Variants in TMEM117 observed in about 807,000 individuals in gnomAD.
TMEM117 encodes the protein transmembrane protein 117.
In TMEM117, 27 loss-of-function variants were observed where a neutral mutation model predicts 52.4. That is an observed-to-expected ratio of 0.51 (90% confidence interval 0.38 to 0.71). TMEM117 has a LOEUF of 0.71. TMEM117 is among the 30% of genes least tolerant of loss of function. The pLI is 0.00. For synonymous variants in TMEM117, 215 were observed against 206.3 expected, an observed-to-expected ratio of 1.04 and a Z score of -0.36; for missense variants, 556 against 630.5, an observed-to-expected ratio of 0.88 and a Z score of 1.26.
intron 3 of TMEM117, among the ~76,000 whole-genome samples, chr12:44,068,662 G>A (rs998800524): frequency 6.6e-6 from 1 of 152,044 alleles, no homozygotes. Context: ...AATTGCAAGA[G>A]TAATATCAAA....
intron 4 of TMEM117, among the ~76,000 whole-genome samples, chr12:44,206,160 C>CTTTTTA (rs1949563293): frequency 1.3e-5 from 2 of 152,176 alleles, no homozygotes; most frequent in South Asian, 4.1e-4. Flanking sequence ...ATGTGCACAA[C>CTTTTTA]GTTAGATTAG....
At chr12:43,925,390 T>C (rs1026993996) in intron 2 of TMEM117, among the ~76,000 whole-genome samples, 1 of 152,108 alleles carries the variant, frequency 6.6e-6, no homozygotes, top group Admixed American at 6.6e-5. Flanking sequence ...CTTTGTAACC[T>C]CCAATTTCTA....
chr12:43,826,533 A>G, the TMEM117 span, among the ~76,000 whole-genome samples: 1 of 152,184 alleles, frequency 6.6e-6, no homozygotes, highest in African/African-American at 2.4e-5. Context: ...TCTGCTCATA[A>G]TTCCAGGGAT....
At chr12:43,927,417 A>G (rs371126867) in intron 2 of TMEM117, among the ~76,000 whole-genome samples, 1 of 151,264 alleles carries the variant, frequency 6.6e-6, no homozygotes, top group Non-Finnish European at 1.5e-5. Context: ...GTATTTAAAT[A>G]TACTATATCT....
chr12:44,250,844 TG>T (rs1250529168), intron 5 of TMEM117, among the ~76,000 whole-genome samples: 1 of 151,872 alleles, frequency 6.6e-6, no homozygotes, highest in Non-Finnish European at 1.5e-5. Flanking sequence ...GTGGGCAGTG[TG>T]GGGCGAGGGG....
At chr12:44,151,879 T>C (rs1322945632) in intron 4 of TMEM117, among the ~76,000 whole-genome samples, 2 of 131,544 alleles carry the variant, frequency 1.5e-5, no homozygotes, top group East Asian at 2.4e-4. Context: ...ATATTATATA[T>C]TATAATATAT....
intron 6 of TMEM117, among the ~76,000 whole-genome samples, chr12:44,346,998 T>A (rs766623486): frequency 1.3e-5 from 2 of 152,072 alleles, no homozygotes; most frequent in Non-Finnish European, 2.9e-5. Context: ...AGGACATTTA[T>A]TTTTTATTGT....
the TMEM117 span, chr12:43,799,510 T>C: frequency 6.6e-7 from 1 of 1,522,688 alleles, no homozygotes; most frequent in Admixed American, 1.7e-5. Context: ...TTCCTGTAAG[T>C]ACAGAATAGA....
At chr12:44,222,174 G>A (rs1206636734) in intron 5 of TMEM117, among the ~76,000 whole-genome samples, 13 of 152,078 alleles carry the variant, frequency 8.5e-5, no homozygotes, top group East Asian at 1.9e-4. Context: ...TTGTGTCTCT[G>A]GTCATGAATT....
At chr12:44,265,445 G>C (rs530989544) in intron 5 of TMEM117, among the ~76,000 whole-genome samples, 2 of 152,144 alleles carry the variant, frequency 1.3e-5, no homozygotes. Context: ...GTATCATAGA[G>C]AGGCAAAACT....
chr12:44,097,808 A>C (rs1203504334), intron 3 of TMEM117, among the ~76,000 whole-genome samples: 3 of 151,360 alleles, frequency 2.0e-5, no homozygotes, highest in Non-Finnish European at 1.5e-5. Context: ...ATGTATACAT[A>C]TGTAACAAAC....
intron 6 of TMEM117, among the ~76,000 whole-genome samples, chr12:44,357,630 C>T (rs1951668974): frequency 6.6e-6 from 1 of 152,060 alleles, no homozygotes; most frequent in African/African-American, 2.4e-5. Context: ...GATACCATCA[C>T]ACCAGTCAGA....
intron 3 of TMEM117, among the ~76,000 whole-genome samples, chr12:44,060,886 A>G (rs1440230528): frequency 6.6e-6 from 1 of 152,172 alleles, no homozygotes; most frequent in Non-Finnish European, 1.5e-5. Context: ...GAGTTAAAGG[A>G]ATGGTCACTG....
At chr12:44,304,424 C>T (rs1372626491) in intron 6 of TMEM117, among the ~76,000 whole-genome samples, 1 of 152,172 alleles carries the variant, frequency 6.6e-6, no homozygotes, top group African/African-American at 2.4e-5. Context: ...TTGGCTAGTC[C>T]TTGTGCTGTG....
upstream of TMEM117, among the ~76,000 whole-genome samples, chr12:43,834,433 G>C (rs187480120): frequency 6.6e-6 from 1 of 152,310 alleles, no homozygotes; most frequent in African/African-American, 2.4e-5. Flanking sequence ...CCCTTGAAGA[G>C]TTCATAGCGT....
intron 2 of TMEM117, among the ~76,000 whole-genome samples, chr12:43,858,818 T>C (rs1234793695): frequency 6.6e-6 from 1 of 152,224 alleles, no homozygotes; most frequent in Non-Finnish European, 1.5e-5. Context: ...TGAACTGTGC[T>C]GTTTTTCAAC....
chr12:44,276,729 G>A (rs952424484), intron 5 of TMEM117, among the ~76,000 whole-genome samples: 1 of 151,982 alleles, frequency 6.6e-6, no homozygotes, highest in Non-Finnish European at 1.5e-5. Flanking sequence ...ATATATCAAA[G>A]CATTATGTTA....
chr12:44,295,308 A>G (rs1260771752), intron 5 of TMEM117, among the ~76,000 whole-genome samples: 2 of 152,064 alleles, frequency 1.3e-5, no homozygotes, highest in Non-Finnish European at 2.9e-5. Flanking sequence ...GGCTCAAGTG[A>G]TTCTCCTGCC....
intron 5 of TMEM117, among the ~76,000 whole-genome samples, chr12:44,286,611 A>G (rs566903345): frequency 6.6e-6 from 1 of 152,280 alleles, no homozygotes; most frequent in South Asian, 2.1e-4. Context: ...GAAAGAAAAC[A>G]ATATCCATAA....
Sources: allele counts gnomAD v4.1 joint callset (sites outside exome capture counted in the v4.1 genomes callset), GRCh38; gene constraint gnomAD v4.1.1; transcripts MANE v1.5; gene names NCBI Gene and HGNC (gene_info 2026-07-23, HGNC 2026-07-21).